MARCHF1: variants seen among roughly 807,000 people sequenced by gnomAD.
MARCHF1 encodes membrane associated ring-CH-type finger 1, also known as E3 ubiquitin-protein ligase MARCHF1.
A neutral mutation model predicts 54.2 loss-of-function variants in MARCHF1; 40 were observed. The ratio of observed to expected loss-of-function variants is 0.74; its 90% CI spans 0.57 to 0.96. MARCHF1 has a LOEUF of 0.96. Ranked by LOEUF, MARCHF1 falls within the 40% of genes least tolerant of loss-of-function variation. The pLI is 0.00. For missense variants in MARCHF1, 586 were observed against 656.5 expected, an observed-to-expected ratio of 0.89 and a Z score of 1.17; for synonymous variants, 236 against 236.3, an observed-to-expected ratio of 1.00 and a Z score of 0.01.
intron 4 of MARCHF1, among the ~76,000 whole-genome samples, chr4:163,733,211 A>ACATACACATG: frequency 2.4e-5 from 1 of 42,172 alleles, no homozygotes; most frequent in Non-Finnish European, 6.4e-5. Flanking sequence ...ATATATATAT[A>ACATACACATG]TATATATATA....
At chr4:163,741,443 C>T (rs564224008) in intron 4 of MARCHF1, among the ~76,000 whole-genome samples, 78 of 151,884 alleles carry the variant, frequency 5.1e-4, no homozygotes, top group African/African-American at 1.8e-3. Context: ...ATTAGCCGGG[C>T]GTGGTGGCAC....
intron 9 of MARCHF1, among the ~76,000 whole-genome samples, chr4:163,529,554 T>G (rs1738273696): frequency 6.6e-6 from 1 of 150,628 alleles, no homozygotes; most frequent in Non-Finnish European, 1.5e-5. Flanking sequence ...TGGGGAGGAG[T>G]AAGAGGGAGG....
At chr4:163,888,869 C>T (rs888214645) in intron 3 of MARCHF1, among the ~76,000 whole-genome samples, 8 of 152,072 alleles carry the variant, frequency 5.3e-5, no homozygotes, top group African/African-American at 1.7e-4. Context: ...TGCTGTTGTT[C>T]CTTAATTTCT....
At chr4:164,295,504 A>C (rs1332952731) in intron 1 of MARCHF1, among the ~76,000 whole-genome samples, 1 of 152,118 alleles carries the variant, frequency 6.6e-6, no homozygotes, top group East Asian at 1.9e-4. Flanking sequence ...GCCATTTCCC[A>C]CAAGGAAACT....
intron 1 of MARCHF1, among the ~76,000 whole-genome samples, chr4:164,380,387 T>G (rs374217880): frequency 6.6e-6 from 1 of 152,162 alleles, no homozygotes; most frequent in Non-Finnish European, 1.5e-5. Flanking sequence ...CTGTCCCCCA[T>G]GAGAAAGGCA....
At chr4:164,034,453 C>T (rs1192180327) in intron 2 of MARCHF1, among the ~76,000 whole-genome samples, 1 of 152,072 alleles carries the variant, frequency 6.6e-6, no homozygotes, top group Non-Finnish European at 1.5e-5. Context: ...CCATTCAACC[C>T]AGTAATCCCA....
At chr4:163,677,412 T>C (rs141525755) in intron 5 of MARCHF1, among the ~76,000 whole-genome samples, 4 of 152,278 alleles carry the variant, frequency 2.6e-5, no homozygotes, top group Non-Finnish European at 4.4e-5. Flanking sequence ...TGGTACCAGC[T>C]TGGAAGACAC....
At chr4:163,543,671 G>C (rs1425095205) in intron 9 of MARCHF1, among the ~76,000 whole-genome samples, 4 of 152,108 alleles carry the variant, frequency 2.6e-5, no homozygotes, top group African/African-American at 4.8e-5. Context: ...GGCTGAAGTT[G>C]AGACCATCGT....
chr4:164,202,773 C>T (rs1016170485), intron 1 of MARCHF1, among the ~76,000 whole-genome samples: 11 of 152,142 alleles, frequency 7.2e-5, no homozygotes, highest in African/African-American at 1.9e-4. Context: ...TATTTGCTTA[C>T]GCCATTTCAT....
chr4:163,900,847 A>G (rs946956541), intron 3 of MARCHF1, among the ~76,000 whole-genome samples: 2 of 152,190 alleles, frequency 1.3e-5, no homozygotes, highest in African/African-American at 4.8e-5. Context: ...TATAATAAAC[A>G]TGTATATTAA....
At chr4:164,100,280 T>C (rs1363629986) in intron 2 of MARCHF1, among the ~76,000 whole-genome samples, 4 of 152,220 alleles carry the variant, frequency 2.6e-5, no homozygotes, top group East Asian at 1.9e-4. Flanking sequence ...TTAATTACAA[T>C]AGAGGATCAA....
At chr4:164,272,041 T>C (rs989368853) in intron 1 of MARCHF1, among the ~76,000 whole-genome samples, 20 of 151,944 alleles carry the variant, frequency 1.3e-4, no homozygotes, top group Non-Finnish European at 2.6e-4. Context: ...CTCATCTTCA[T>C]AGATGAGCAG....
At chr4:163,886,184 T>G (rs1445701724) in intron 3 of MARCHF1, among the ~76,000 whole-genome samples, 1 of 150,262 alleles carries the variant, frequency 6.7e-6, no homozygotes, top group Non-Finnish European at 1.5e-5. Context: ...TCTATAGATA[T>G]GAATCTATAG....
At chr4:164,341,279 C>CA (rs34271550) in intron 1 of MARCHF1, among the ~76,000 whole-genome samples, 63,778 of 146,216 alleles carry the variant, frequency 0.44, 14,251 homozygotes, top group Non-Finnish European at 0.51. Context: ...AAAGCAAAAA[C>CA]AAAAAAAAAA....
At chr4:164,140,508 T>C (rs1218248305) in intron 1 of MARCHF1, among the ~76,000 whole-genome samples, 5 of 152,100 alleles carry the variant, frequency 3.3e-5, no homozygotes, top group African/African-American at 1.2e-4. Flanking sequence ...CTGCTTCCTG[T>C]TGACTAACTC....
chr4:163,716,940 TTTA>T (rs1189494832), intron 4 of MARCHF1, among the ~76,000 whole-genome samples: 13 of 152,212 alleles, frequency 8.5e-5, no homozygotes, highest in South Asian at 2.1e-4. Flanking sequence ...ATTTTACTGT[TTTA>T]TTATTAAATT....
chr4:163,616,938 C>T (rs1310038794), intron 5 of MARCHF1, among the ~76,000 whole-genome samples: 1 of 151,968 alleles, frequency 6.6e-6, no homozygotes, highest in African/African-American at 2.4e-5. Context: ...GAAACCAGTT[C>T]GTCAAAGAGA....
chr4:163,737,160 C>CTTTTTTTTTTTTTTTTTTTT (rs201243891), intron 4 of MARCHF1, among the ~76,000 whole-genome samples: 1 of 41,016 alleles, frequency 2.4e-5, no homozygotes. Context: ...CAGCTTTTTT[C>CTTTTTTTTTTTTTTTTTTTT]TTTCTTTTTT....
chr4:163,670,848 AT>A (rs1402025989), intron 5 of MARCHF1, among the ~76,000 whole-genome samples: 2 of 152,010 alleles, frequency 1.3e-5, no homozygotes, highest in Non-Finnish European at 2.9e-5. Context: ...TGTTCCTTTT[AT>A]TTTTTTCTGA....
Sources: gnomAD v4.1 joint callset for allele counts (sites outside exome capture counted in the v4.1 genomes callset) on GRCh38, gnomAD v4.1.1 for gene constraint, MANE v1.5 for transcripts, NCBI Gene and HGNC (gene_info 2026-07-23, HGNC 2026-07-21) for gene names.